Variants in ROBO2 observed in about 807,000 individuals in gnomAD.
The protein encoded by ROBO2 is roundabout homolog 2.
A neutral mutation model predicts 160.8 loss-of-function variants in ROBO2; 53 were observed. That is an observed-to-expected ratio of 0.33 (90% CI 0.26 to 0.41). The LOEUF (loss-of-function observed/expected upper bound fraction) is 0.41, where lower values mean the gene tolerates loss of function less well. ROBO2 is among the 10% of genes least tolerant of loss of function. The probability of loss-of-function intolerance (pLI) is 1.00; values close to 1 mark genes in which losing one functional copy is unlikely to be tolerated. For synonymous variants in ROBO2, 664 were observed against 611.7 expected (o/e 1.09, Z -1.26); for missense variants, 1,577 against 1,722.4 (o/e 0.92, Z 1.49).
intron 2 of ROBO2, among the ~76,000 whole-genome samples, chr3:75,976,019 C>T (rs934783966): frequency 6.6e-6 from 1 of 151,496 alleles, no homozygotes; most frequent in African/African-American, 2.4e-5. Flanking sequence ...TGTCAATGTA[C>T]ATGAAGCAGA....
At chr3:76,009,295 G>T (rs914720520) in intron 2 of ROBO2, among the ~76,000 whole-genome samples, 1 of 152,096 alleles carries the variant, frequency 6.6e-6, no homozygotes, top group Non-Finnish European at 1.5e-5. Context: ...AGTAGAGACG[G>T]GGTTTCACCG....
intron 2 of ROBO2, among the ~76,000 whole-genome samples, chr3:77,332,531 A>C (rs1223429054): frequency 6.6e-6 from 1 of 152,218 alleles, no homozygotes; most frequent in East Asian, 1.9e-4. Flanking sequence ...TAATCTCAGT[A>C]TGTTGCATAA....
intron 2 of ROBO2, among the ~76,000 whole-genome samples, chr3:76,563,720 T>C: frequency 6.6e-6 from 1 of 152,194 alleles, no homozygotes; most frequent in Non-Finnish European, 1.5e-5. Flanking sequence ...CTAATGTCCC[T>C]AAGAGACAGT....
intron 2 of ROBO2, among the ~76,000 whole-genome samples, chr3:76,425,509 TG>T (rs2076181261): frequency 6.6e-6 from 1 of 151,062 alleles, no homozygotes; most frequent in Non-Finnish European, 1.5e-5. Flanking sequence ...TGTGTGTGTG[TG>T]TGTGTGTGTG....
intron 2 of ROBO2, among the ~76,000 whole-genome samples, chr3:77,300,053 T>C (rs949561069): frequency 6.6e-6 from 1 of 152,166 alleles, no homozygotes; most frequent in African/African-American, 2.4e-5. Flanking sequence ...ATACATATTA[T>C]ATATTGTATA....
At chr3:75,993,780 A>G (rs992703702) in intron 2 of ROBO2, among the ~76,000 whole-genome samples, 18 of 152,122 alleles carry the variant, frequency 1.2e-4, no homozygotes, top group African/African-American at 4.3e-4. Flanking sequence ...AGAAGAAATG[A>G]CTGGTGGTCA....
chr3:77,275,671 C>T (rs920616255), intron 2 of ROBO2, among the ~76,000 whole-genome samples: 10 of 152,156 alleles, frequency 6.6e-5, no homozygotes, highest in African/African-American at 2.4e-4. Context: ...TTTTTCTCCT[C>T]ATAGTTGCAG....
intron 2 of ROBO2, among the ~76,000 whole-genome samples, chr3:76,312,310 G>T (rs964212558): frequency 6.6e-6 from 1 of 152,128 alleles, no homozygotes; most frequent in African/African-American, 2.4e-5. Flanking sequence ...TTTCCTGTCA[G>T]TGTTTATCAT....
intron 13 of ROBO2, among the ~76,000 whole-genome samples, chr3:77,568,842 T>G (rs1055926826): frequency 1.3e-5 from 2 of 152,056 alleles, no homozygotes; most frequent in African/African-American, 4.8e-5. Flanking sequence ...TGTGTAACAC[T>G]AATCTACTCT....
chr3:77,641,354 A>G (rs755739734), intron 24 of ROBO2, among the ~76,000 whole-genome samples: 2 of 152,238 alleles, frequency 1.3e-5, no homozygotes, highest in Non-Finnish European at 2.9e-5. Flanking sequence ...TATCAGTCCA[A>G]TGCAGATTAG....
chr3:77,048,050 A>T (rs2064865071), intron 1 of ROBO2, among the ~76,000 whole-genome samples: 1 of 152,204 alleles, frequency 6.6e-6, no homozygotes, highest in African/African-American at 2.4e-5. Flanking sequence ...CCGTCTCAAA[A>T]AAAAAGATAT....
Position 77,362,200 on chromosome 3 carries a change from C to A in ROBO2, c.389-115214C>A, listed in dbSNP as rs183732769. ...ACTTGTTAAAGCACAGTGAGGCTGA[C>A]TTTAGTCAGGTCTATTGCAATAGAC... On this transcript the variant is annotated intron_variant, in intron 2 of 25. Transcript: ENST00000461745. Among the ~76,000 whole-genome samples the A allele has an allele frequency of 5.3e-3, 810 of 152,162 alleles. 4 individuals carry two copies. Among genetic ancestry groups the A allele is most frequent in the Non-Finnish European group, 9.8e-3 (663 of 67,996 alleles).
intron 2 of ROBO2, among the ~76,000 whole-genome samples, chr3:76,763,670 G>A (rs1369321269): frequency 6.6e-6 from 1 of 151,590 alleles, no homozygotes; most frequent in African/African-American, 2.4e-5. Flanking sequence ...GGCTTTGAAA[G>A]CTAACTGGAA....
intron 2 of ROBO2, among the ~76,000 whole-genome samples, chr3:77,262,178 A>G (rs547302073): frequency 6.6e-6 from 1 of 152,318 alleles, no homozygotes; most frequent in African/African-American, 2.4e-5. Flanking sequence ...GCTGGAGGAT[A>G]TCTTTGAGAT....
At chr3:76,925,415 A>G (rs1226077332) in intron 2 of ROBO2, among the ~76,000 whole-genome samples, 5 of 152,022 alleles carry the variant, frequency 3.3e-5, no homozygotes, top group South Asian at 2.1e-4. Context: ...TTACATTTGA[A>G]CTCCAGTTAA....
intron 2 of ROBO2, among the ~76,000 whole-genome samples, chr3:77,099,272 C>T (rs2071574677): frequency 1.3e-5 from 2 of 151,908 alleles, no homozygotes; most frequent in South Asian, 2.1e-4. Flanking sequence ...ACCGTGTTGC[C>T]CAGGCTGGTC....
chr3:76,676,956 A>T (rs1345952802), intron 2 of ROBO2, among the ~76,000 whole-genome samples: 1 of 152,100 alleles, frequency 6.6e-6, no homozygotes, highest in African/African-American at 2.4e-5. Context: ...CTTCCACACA[A>T]TACAGATTAA....
intron 2 of ROBO2, among the ~76,000 whole-genome samples, chr3:77,103,368 G>T (rs536954573): frequency 6.6e-6 from 1 of 151,874 alleles, no homozygotes; most frequent in Non-Finnish European, 1.5e-5. Flanking sequence ...GTGGCAAGGA[G>T]GTTGTGGTTC....
At chr3:76,246,305 GGC>G (rs1705616963) in intron 2 of ROBO2, among the ~76,000 whole-genome samples, 1 of 152,046 alleles carries the variant, frequency 6.6e-6, no homozygotes, top group African/African-American at 2.4e-5. Context: ...TCAAGTGCTA[GGC>G]AAGGCACAGG....
Sources: allele counts gnomAD v4.1 joint callset (sites outside exome capture counted in the v4.1 genomes callset), GRCh38; gene constraint gnomAD v4.1.1; transcripts MANE v1.5; gene names NCBI Gene and HGNC (gene_info 2026-07-23, HGNC 2026-07-21).